PCYT1B: variants seen among roughly 807,000 people sequenced by gnomAD.
The protein encoded by PCYT1B is choline-phosphate cytidylyltransferase B.
In PCYT1B, 10 loss-of-function variants were observed where a neutral mutation model predicts 26.4. The observed-to-expected ratio is 0.38, with a 90% CI of 0.23 to 0.64. The LOEUF is 0.64. Among genes scored for constraint, PCYT1B ranks in the 30% least tolerant of loss-of-function variants. PCYT1B has a pLI of 0.56. For synonymous variants in PCYT1B, 131 were observed against 108.4 expected, an observed-to-expected ratio of 1.21 and a Z score of -1.29; for missense variants, 161 against 292.7, an observed-to-expected ratio of 0.55 and a Z score of 3.28.
At chrX:24,646,304 C>T (rs1926621878) in intron 1 of PCYT1B, among the ~76,000 whole-genome samples, 1 of 111,346 alleles carries the variant, frequency 9.0e-6, no homozygotes, top group Non-Finnish European at 1.9e-5. Context: ...AGGACGCTCT[C>T]AGTACCCCGT....
At chrX:24,604,026 A>T (rs1925046655) in intron 3 of PCYT1B, among the ~76,000 whole-genome samples, 1 of 111,386 alleles carries the variant, frequency 9.0e-6, no homozygotes, top group Non-Finnish European at 1.9e-5. Context: ...TAGAGATTCC[A>T]TTTAACAGAC....
chrX:24,638,727 T>C (rs939975883), intron 1 of PCYT1B, among the ~76,000 whole-genome samples: 6 of 111,932 alleles, frequency 5.4e-5, no homozygotes, highest in Middle Eastern at 4.6e-3. Flanking sequence ...GCCTGACCCA[T>C]TGCTGGACTT....
intron 7 of PCYT1B, among the ~76,000 whole-genome samples, chrX:24,565,182 G>A (rs1182241925): frequency 9.0e-6 from 1 of 110,582 alleles, no homozygotes; most frequent in Non-Finnish European, 1.9e-5. Context: ...ACCAACTCCT[G>A]AGCATCCTGC....
chrX:24,619,137 C>T (rs1422271422), intron 1 of PCYT1B, 53 bp from the exon 2 acceptor site: 3 of 850,545 alleles, frequency 3.5e-6, no homozygotes, highest in Non-Finnish European at 5.3e-6. Flanking sequence ...TCCTTTGGCA[C>T]TAACTTCCTC....
At chrX:24,592,722 C>T (rs1343641) in intron 3 of PCYT1B, among the ~76,000 whole-genome samples, 2,662 of 111,520 alleles carry the variant, frequency 0.024, 81 homozygotes, top group African/African-American at 0.08. Flanking sequence ...ACAAGACCTA[C>T]GCCTCTGCCC....
chrX:24,559,053 G>A lies in PCYT1B; in HGVS notation c.*3240C>T, dbSNP rs1241482161. On this transcript the variant is annotated 3_prime_UTR_variant, in exon 8 of 8. Coordinates refer to ENST00000379144, the MANE Select transcript of PCYT1B (RefSeq NM_004845.5). ...GAAAATCGGCTGGACGCCGTGGCTCGTGCTCATAATCCCAGCACTTTGGGA... is the reference window on the plus strand; with the variant it reads ...GAAAATCGGCTGGACGCCGTGGCTCATGCTCATAATCCCAGCACTTTGGGA... 2.7e-5 allele frequency: 3 copies of A among 111,686 alleles called. No individual in the cohort carries two copies. The highest frequency in any genetic ancestry group is 1.9e-4 in the Admixed American group (2 of 10,577). 9.2% of individuals were successfully genotyped at this position (111,686 alleles called of 1,213,427 possible). A position where few individuals can be genotyped will look rare whatever the true frequency, so the allele number is the denominator to read the frequency against.
At chrX:24,600,931 CAA>C (rs57624385) in intron 3 of PCYT1B, among the ~76,000 whole-genome samples, 172 of 92,281 alleles carry the variant, frequency 1.9e-3, no homozygotes, top group East Asian at 2.0e-3. Context: ...CATTCACATG[CAA>C]AAAAAAAAAA....
intron 1 of PCYT1B, among the ~76,000 whole-genome samples, chrX:24,641,816 T>G (rs755109114): frequency 8.9e-6 from 1 of 112,466 alleles, no homozygotes; most frequent in Non-Finnish European, 1.9e-5. Flanking sequence ...ATTACACATG[T>G]GGCTCATGCT....
chrX:24,614,419 G>A (rs1473928961), intron 2 of PCYT1B, among the ~76,000 whole-genome samples: 1 of 111,942 alleles, frequency 8.9e-6, no homozygotes, highest in East Asian at 2.8e-4. Context: ...ATCTAGGCCA[G>A]GCACAGTGGC....
chrX:24,638,083 A>G (rs150065251), intron 1 of PCYT1B, among the ~76,000 whole-genome samples: 8 of 74,579 alleles, frequency 1.1e-4, no homozygotes, highest in African/African-American at 4.7e-4. Context: ...TGATGTTTCT[A>G]TTAACCTATT....
At chrX:24,672,532 C>T (rs368520022) in intron 1 of PCYT1B, 279 of 1,108,920 alleles carry the variant, frequency 2.5e-4, no homozygotes, top group Non-Finnish European at 3.1e-4. Flanking sequence ...CTTTGATATT[C>T]AATAAGGCAA....
chrX:24,613,741 C>A (rs1925383990), intron 2 of PCYT1B, among the ~76,000 whole-genome samples: 1 of 109,379 alleles, frequency 9.1e-6, no homozygotes, highest in Middle Eastern at 4.7e-3. Flanking sequence ...TGGCTCGAGC[C>A]CAGGAGTTTG....
chrX:24,569,311 A>G (rs1247763119), intron 7 of PCYT1B, among the ~76,000 whole-genome samples: 1 of 110,524 alleles, frequency 9.0e-6, no homozygotes, highest in Non-Finnish European at 1.9e-5. Flanking sequence ...GTTGGTGAGG[A>G]TGTGGAGAAA....
chrX:24,562,553 G>A (rs1240221321), intron 7 of PCYT1B, 48 bp from the exon 8 acceptor site: 2 of 1,106,846 alleles, frequency 1.8e-6, no homozygotes, highest in African/African-American at 3.6e-5. Context: ...GCAATCTGAG[G>A]CAGCAGCAAA....
chrX:24,571,791 T>A, intron 7 of PCYT1B, among the ~76,000 whole-genome samples: 1 of 110,555 alleles, frequency 9.0e-6, no homozygotes, highest in Non-Finnish European at 1.9e-5. Flanking sequence ...CTACAAAAAA[T>A]TTAAAAATTA....
At chrX:24,580,883 C>T (rs1390370417) in intron 5 of PCYT1B, among the ~76,000 whole-genome samples, 1 of 111,551 alleles carries the variant, frequency 9.0e-6, no homozygotes, top group East Asian at 2.8e-4. Flanking sequence ...AGGCGAGTTA[C>T]TTAACTGTAG....
intron 1 of PCYT1B, among the ~76,000 whole-genome samples, chrX:24,620,396 TCC>T (rs1264597771): frequency 1.8e-5 from 2 of 111,458 alleles, no homozygotes; most frequent in Admixed American, 9.6e-5. Flanking sequence ...TCTGGAGGCC[TCC>T]CAGTTATCTG....
At chrX:24,641,319 T>C (rs914330020) in intron 1 of PCYT1B, among the ~76,000 whole-genome samples, 2 of 112,182 alleles carry the variant, frequency 1.8e-5, no homozygotes, top group Non-Finnish European at 3.8e-5. Flanking sequence ...CCCATATCCA[T>C]CTAGTTCTCT....
intron 1 of PCYT1B, among the ~76,000 whole-genome samples, chrX:24,654,941 T>C (rs1926874798): frequency 9.1e-6 from 1 of 110,400 alleles, no homozygotes; most frequent in Non-Finnish European, 1.9e-5. Flanking sequence ...TGGCTTAAGG[T>C]CTGGGCCTAA....
Sources: allele counts gnomAD v4.1 joint callset (sites outside exome capture counted in the v4.1 genomes callset), GRCh38; gene constraint gnomAD v4.1.1; transcripts MANE v1.5; gene names NCBI Gene and HGNC (gene_info 2026-07-23, HGNC 2026-07-21).